Variants in HEMK2 observed in about 807,000 individuals in gnomAD.
The protein encoded by HEMK2 is methyltransferase HEMK2.
At chr21:28,863,891 G>A in the HEMK2 span, among the ~76,000 whole-genome samples, 2 of 152,116 alleles carry the variant, frequency 1.3e-5, no homozygotes, top group Non-Finnish European at 2.9e-5. Flanking sequence ...GCAGTGGCAC[G>A]ATCTTGGCTC....
chr21:28,622,723 A>G, the HEMK2 span, among the ~76,000 whole-genome samples: 2 of 152,214 alleles, frequency 1.3e-5, no homozygotes, highest in Non-Finnish European at 2.9e-5. Flanking sequence ...AAAAACAAGC[A>G]ATGGGAAAAG....
the HEMK2 span, among the ~76,000 whole-genome samples, chr21:28,665,394 T>C: frequency 1.9e-5 from 2 of 107,196 alleles, no homozygotes; most frequent in East Asian, 5.2e-4. Flanking sequence ...TTAATTTTTT[T>C]TTTTTTTTAT....
At chr21:28,810,805 T>A in the HEMK2 span, among the ~76,000 whole-genome samples, 1 of 152,224 alleles carries the variant, frequency 6.6e-6, no homozygotes, top group Non-Finnish European at 1.5e-5. Flanking sequence ...CAGTCTTCTT[T>A]CTTTTGCATT....
the HEMK2 span, among the ~76,000 whole-genome samples, chr21:28,838,446 A>AT: frequency 3.3e-5 from 5 of 151,958 alleles, no homozygotes; most frequent in African/African-American, 1.2e-4. Context: ...AGGCAGGAGA[A>AT]TGGCATGAAC....
At chr21:28,745,439 C>T in the HEMK2 span, among the ~76,000 whole-genome samples, 14 of 152,242 alleles carry the variant, frequency 9.2e-5, no homozygotes, top group East Asian at 2.7e-3. Context: ...TGCCTTAGAC[C>T]CGGACGAGAG....
chr21:28,588,282 T>C, the HEMK2 span, among the ~76,000 whole-genome samples: 1 of 152,176 alleles, frequency 6.6e-6, no homozygotes, highest in Non-Finnish European at 1.5e-5. Flanking sequence ...GCTCTACCCA[T>C]TACTTCATTT....
the HEMK2 span, among the ~76,000 whole-genome samples, chr21:28,726,869 TAA>T: frequency 4.5e-4 from 58 of 130,242 alleles, no homozygotes; most frequent in Non-Finnish European, 5.5e-4. Flanking sequence ...GGACCCTATC[TAA>T]AAAAAAAAAA....
the HEMK2 span, among the ~76,000 whole-genome samples, chr21:28,713,261 C>T: frequency 3.5e-3 from 528 of 152,252 alleles, 7 homozygotes; most frequent in African/African-American, 0.012. Flanking sequence ...ATCACCCAGT[C>T]ACAGCCACCA....
At chr21:28,877,048 G>GAAGGAGGA in the HEMK2 span, among the ~76,000 whole-genome samples, 1 of 48,682 alleles carries the variant, frequency 2.1e-5, no homozygotes, top group Non-Finnish European at 4.9e-5. Context: ...GGGAGGGAGG[G>GAAGGAGGA]AGGGAGGGAG....
At chr21:28,812,640 T>C in the HEMK2 span, among the ~76,000 whole-genome samples, 4 of 152,242 alleles carry the variant, frequency 2.6e-5, no homozygotes, top group Admixed American at 6.5e-5. Context: ...ATCAGGATTA[T>C]GCTGGACTCA....
At chr21:28,797,133 T>C in the HEMK2 span, among the ~76,000 whole-genome samples, 2 of 152,196 alleles carry the variant, frequency 1.3e-5, no homozygotes, top group East Asian at 3.8e-4. Context: ...TTGTTTTATG[T>C]ACACTTGGCA....
the HEMK2 span, among the ~76,000 whole-genome samples, chr21:28,730,418 A>ACACACACAATTTAT: frequency 8.8e-3 from 1,251 of 142,250 alleles, 11 homozygotes; most frequent in African/African-American, 0.02. Context: ...ACACACACAC[A>ACACACACAATTTAT]TTTCTCACAA....
the HEMK2 span, among the ~76,000 whole-genome samples, chr21:28,604,297 G>A: frequency 1.3e-5 from 2 of 152,178 alleles, no homozygotes; most frequent in East Asian, 3.9e-4. Context: ...AGCATTAGGA[G>A]AAATACCTAA....
the HEMK2 span, among the ~76,000 whole-genome samples, chr21:28,589,788 A>G: frequency 6.0e-4 from 91 of 152,324 alleles, no homozygotes; most frequent in African/African-American, 2.0e-3. Context: ...TACTAATTCA[A>G]AAATTCAAAA....
At chr21:28,772,240 A>G in the HEMK2 span, among the ~76,000 whole-genome samples, 1 of 152,236 alleles carries the variant, frequency 6.6e-6, no homozygotes, top group Non-Finnish European at 1.5e-5. Flanking sequence ...TAAAAGTCAA[A>G]GAATGATAAG....
the HEMK2 span, among the ~76,000 whole-genome samples, chr21:28,867,230 A>T: frequency 1.3e-5 from 2 of 152,368 alleles, no homozygotes; most frequent in South Asian, 4.1e-4. Flanking sequence ...TGAAAACTGG[A>T]AACAACCTAA....
At chr21:28,581,530 C>G in the HEMK2 span, among the ~76,000 whole-genome samples, 4 of 152,184 alleles carry the variant, frequency 2.6e-5, no homozygotes, top group African/African-American at 9.7e-5. Flanking sequence ...GGCAATGTCA[C>G]TCACTGCACT....
the HEMK2 span, among the ~76,000 whole-genome samples, chr21:28,632,088 A>C: frequency 6.6e-6 from 1 of 152,256 alleles, no homozygotes; most frequent in Non-Finnish European, 1.5e-5. Context: ...ATCTTACTGA[A>C]GTAAAGGCGA....
At chr21:28,858,535 T>C in the HEMK2 span, among the ~76,000 whole-genome samples, 7 of 148,076 alleles carry the variant, frequency 4.7e-5, no homozygotes, top group East Asian at 2.0e-4. Context: ...GATGTATAGA[T>C]GAAAACAGGA....
Sources: gnomAD v4.1 joint callset for allele counts (sites outside exome capture counted in the v4.1 genomes callset) on GRCh38, gnomAD v4.1.1 for gene constraint, MANE v1.5 for transcripts, NCBI Gene and HGNC (gene_info 2026-07-23, HGNC 2026-07-21) for gene names.